The following DNER variants were observed in gnomAD, a reference collection of about 807,000 sequenced individuals.
DNER encodes delta and Notch-like epidermal growth factor-related receptor.
DNER carries 33 observed loss-of-function variants against 78.2 expected under a neutral mutation model. That is an observed-to-expected ratio of 0.42 (90% confidence interval 0.32 to 0.56). The LOEUF (loss-of-function observed/expected upper bound fraction) is 0.56, where lower values mean the gene tolerates loss of function less well. Among genes scored for constraint, DNER ranks in the 20% least tolerant of loss-of-function variants. The pLI, the probability that DNER is intolerant of heterozygous loss-of-function variation, is 0.11. For synonymous variants in DNER, 417 were observed against 384.8 expected, an observed-to-expected ratio of 1.08 and a Z score of -0.98; for missense variants, 918 against 975.3, an observed-to-expected ratio of 0.94 and a Z score of 0.78.
At chr2:229,422,791 G>A (rs1423941712) in intron 8 of DNER, among the ~76,000 whole-genome samples, 1 of 151,980 alleles carries the variant, frequency 6.6e-6, no homozygotes, top group African/African-American at 2.4e-5. Context: ...GAAAATGGAA[G>A]GGAAAAAAGA....
intron 11 of DNER, among the ~76,000 whole-genome samples, chr2:229,384,585 G>A (rs207663): frequency 0.8 from 121,126 of 152,098 alleles, 48,536 homozygotes; most frequent in East Asian, 0.94. Flanking sequence ...GGATATCACC[G>A]CTGATCTGAT....
chr2:229,425,900 C>T (rs770792910), intron 8 of DNER, among the ~76,000 whole-genome samples: 2 of 152,282 alleles, frequency 1.3e-5, no homozygotes, highest in African/African-American at 2.4e-5. Flanking sequence ...TCACTCCCCT[C>T]GTACAGACTG....
intron 7 of DNER, among the ~76,000 whole-genome samples, chr2:229,475,535 T>A (rs1695014857): frequency 6.6e-6 from 1 of 152,370 alleles, no homozygotes; most frequent in Non-Finnish European, 1.5e-5. Flanking sequence ...CTTATCTGTG[T>A]GTGCACTACT....
intron 6 of DNER, among the ~76,000 whole-genome samples, chr2:229,504,808 C>T (rs1258035833): frequency 1.3e-5 from 2 of 152,206 alleles, no homozygotes; most frequent in African/African-American, 2.4e-5. Context: ...GTTCAAATCC[C>T]AGCCCCAACA....
At chr2:229,473,963 T>C (rs988999812) in intron 7 of DNER, among the ~76,000 whole-genome samples, 10 of 152,156 alleles carry the variant, frequency 6.6e-5, no homozygotes, top group Non-Finnish European at 7.4e-5. Context: ...TGGAGTACAG[T>C]GGCACAATCT....
chr2:229,696,895 C>T (rs919779683), intron 1 of DNER, among the ~76,000 whole-genome samples: 1 of 152,148 alleles, frequency 6.6e-6, no homozygotes, highest in Non-Finnish European at 1.5e-5. Context: ...TCCTGGGGCT[C>T]AGGTTGTGTA....
chr2:229,499,053 T>C (rs1395736211), intron 6 of DNER, among the ~76,000 whole-genome samples: 2 of 152,176 alleles, frequency 1.3e-5, no homozygotes, highest in Admixed American at 1.3e-4. Flanking sequence ...GGTGCTGGCA[T>C]GAAAACAGAT....
chr2:229,533,516 A>AAAAATT (rs571287248), intron 5 of DNER, among the ~76,000 whole-genome samples: 3 of 152,176 alleles, frequency 2.0e-5, no homozygotes, highest in Non-Finnish European at 4.4e-5. Context: ...ATGCGGCAGT[A>AAAAATT]AAAATTAAAA....
At chr2:229,564,145 CCAT>C (rs1267857612) in intron 4 of DNER, among the ~76,000 whole-genome samples, 11 of 146,656 alleles carry the variant, frequency 7.5e-5, no homozygotes, top group Non-Finnish European at 1.5e-4. Flanking sequence ...CACCCCATCA[CCAT>C]CATCATCAAC....
intron 4 of DNER, among the ~76,000 whole-genome samples, chr2:229,582,875 G>A (rs1398101532): frequency 3.3e-5 from 5 of 152,050 alleles, no homozygotes; most frequent in African/African-American, 4.8e-5. Context: ...TCCTGACCGC[G>A]TGATCCACCC....
intron 11 of DNER, among the ~76,000 whole-genome samples, chr2:229,372,527 G>A (rs531838485): frequency 6.6e-6 from 1 of 152,310 alleles, no homozygotes; most frequent in African/African-American, 2.4e-5. Context: ...GAGGCAGAGA[G>A]TGGCTGCAGC....
chr2:229,676,020 T>A (rs952560611), intron 1 of DNER, among the ~76,000 whole-genome samples: 2 of 152,180 alleles, frequency 1.3e-5, no homozygotes, highest in Admixed American at 6.5e-5. Context: ...AAATCCCCAT[T>A]TCCCACTCTC....
intron 11 of DNER, among the ~76,000 whole-genome samples, chr2:229,379,700 C>A (rs1307327157): frequency 6.6e-6 from 1 of 152,060 alleles, no homozygotes; most frequent in Non-Finnish European, 1.5e-5. Flanking sequence ...GAAAACTGAT[C>A]CCATTTTCTG....
chr2:229,677,429 G>A, intron 1 of DNER, among the ~76,000 whole-genome samples: 1 of 152,132 alleles, frequency 6.6e-6, no homozygotes, highest in Non-Finnish European at 1.5e-5. Flanking sequence ...GTGTTTTTAA[G>A]GTTCCAAATC....
intron 1 of DNER, among the ~76,000 whole-genome samples, chr2:229,621,567 GGT>G (rs1491455227): frequency 6.7e-6 from 1 of 150,236 alleles, no homozygotes; most frequent in African/African-American, 2.4e-5. Context: ...CTTGCCCTTT[GGT>G]TTTTTTTTTA....
rs376891977 is a variant in DNER at position 229,364,401 on chromosome 2, C to G, written c.2102+2472G>C. Among the ~76,000 whole-genome samples the G allele has an allele frequency of 2.6e-5, 4 of 152,108 alleles. No homozygotes were observed. The East Asian group carries it at 5.8e-4, about 22-fold the overall frequency. ...GGAGACATAGAAATAAAAGCTACTA[C>G]CCTTTATTTACAGGGTAGTGGCATA... On this transcript the variant is annotated intron_variant, in intron 12 of 12. Transcript: ENST00000341772.
At chr2:229,384,837 G>C (rs1467673157) in intron 11 of DNER, among the ~76,000 whole-genome samples, 1 of 152,126 alleles carries the variant, frequency 6.6e-6, no homozygotes, top group Admixed American at 6.5e-5. Flanking sequence ...GAGGTACAAA[G>C]AGGAGCTGGT....
At chr2:229,535,044 C>T (rs1696376554) in intron 5 of DNER, among the ~76,000 whole-genome samples, 1 of 152,132 alleles carries the variant, frequency 6.6e-6, no homozygotes, top group Non-Finnish European at 1.5e-5. Context: ...CCATGTTGGC[C>T]AGGCCAGTCT....
rs776222779 is a variant in DNER, at chr2:229,418,138, A to G, written c.1579T>C (p.Tyr527His). The G allele has an allele frequency of 1.2e-6, 2 of 1,614,026 alleles. No individual in the cohort carries two copies. Among genetic ancestry groups the G allele is most frequent in the Non-Finnish European group, 1.7e-6 (2 of 1,180,010 alleles). ...AATCRDLVNG[Y>H]ECVCLAEYKG... Reference sequence around the variant, plus strand: ...TATTCTGCCAGGCACACACACTCATAGCCATTAACGAGGTCCCTGCAGGTG... The same window carrying G: ...TATTCTGCCAGGCACACACACTCATGGCCATTAACGAGGTCCCTGCAGGTG... Residue 527 changes from tyrosine (Y) to histidine (H), a missense_variant, in exon 9 of 13, where the codon TAT becomes CAT. Transcript: ENST00000341772.
Sources: gnomAD v4.1 joint callset for allele counts (sites outside exome capture counted in the v4.1 genomes callset) on GRCh38, gnomAD v4.1.1 for gene constraint, MANE v1.5 for transcripts, NCBI Gene and HGNC (gene_info 2026-07-23, HGNC 2026-07-21) for gene names.